The following PTPN21 variants were observed in gnomAD, a reference collection of about 807,000 sequenced individuals.
PTPN21 encodes the protein tyrosine-protein phosphatase non-receptor type 21.
PTPN21 carries 77 observed loss-of-function variants against 131.8 expected under a neutral mutation model. The observed-to-expected ratio is 0.58, with a 90% CI of 0.49 to 0.71. The LOEUF (loss-of-function observed/expected upper bound fraction) is 0.71, where lower values mean the gene tolerates loss of function less well. Among genes scored for constraint, PTPN21 ranks in the 30% least tolerant of loss-of-function variants. The probability of loss-of-function intolerance (pLI) is 0.00; values close to 1 mark genes in which losing one functional copy is unlikely to be tolerated. For synonymous variants in PTPN21, 715 were observed against 621.3 expected (o/e 1.15, Z -2.24); for missense variants, 1,552 against 1,527.1 (o/e 1.02, Z -0.27).
chr14:88,514,770 C>G (rs2078240943), intron 3 of PTPN21, among the ~76,000 whole-genome samples: 1 of 152,032 alleles, frequency 6.6e-6, no homozygotes, highest in African/African-American at 2.4e-5. Flanking sequence ...GGCCCTCCCC[C>G]TTTGTTTTCT....
At position 88,479,914 on chromosome 14, in the gene PTPN21, G is replaced by T; in HGVS notation, c.1517C>A (p.Ala506Glu). ...IREHAQLPSP[A>E]AAHCPFSLSY... ...CAGGCTGAACGGGCAGTGTGCGGCC[G>T]CTGGCGAGGGGAGCTGTGCGTGCTC... The change falls in exon 13 of 19, where the codon GCG (alanine) becomes GAG (glutamate). Residue 506 changes from alanine (A) to glutamate (E), a missense_variant. By Grantham distance (107) the Ala-to-Glu change is moderately radical (BLOSUM62 -1). This residue lies in a region of PTPN21 where 1,016 missense variants were observed against 883.5 expected (regional missense o/e 1.15). Transcript: ENST00000556564. 1.2e-6 allele frequency: 2 copies of T among 1,601,002 alleles called. No homozygotes were observed. The highest frequency in any genetic ancestry group is 1.7e-6 in the Non-Finnish European group (2 of 1,177,648).
At chr14:88,508,731 C>T (rs776047077) in intron 3 of PTPN21, among the ~76,000 whole-genome samples, 2 of 152,134 alleles carry the variant, frequency 1.3e-5, no homozygotes, top group Non-Finnish European at 2.9e-5. Context: ...AGTTCCCTAG[C>T]ACTGGAAAGT....
At chr14:88,485,205 T>C in intron 11 of PTPN21, 45 bp from the exon 12 acceptor site, 3 of 1,224,652 alleles carry the variant, frequency 2.4e-6, no homozygotes, top group Middle Eastern at 2.0e-4. Flanking sequence ...ACATTGCTTA[T>C]GTAATACAGG....
chr14:88,490,234 C>A (rs796956516), intron 10 of PTPN21, among the ~76,000 whole-genome samples: 62 of 152,246 alleles, frequency 4.1e-4, no homozygotes, highest in African/African-American at 1.4e-3. Flanking sequence ...GTCTTGAACT[C>A]CTGGCCTCAG....
chr14:88,505,444 T>C (rs2078072967), intron 4 of PTPN21, 73 bp from the exon 5 acceptor site: 1 of 1,007,886 alleles, frequency 9.9e-7, no homozygotes, highest in Non-Finnish European at 1.5e-6. Flanking sequence ...CAAAATTCAA[T>C]ACGCAGTATA....
intron 6 of PTPN21, among the ~76,000 whole-genome samples, chr14:88,501,822 A>AC (rs1298234202): frequency 1.3e-5 from 2 of 152,142 alleles, no homozygotes; most frequent in East Asian, 3.9e-4. Context: ...CTACAAAAAA[A>AC]AAAATGTTTT....
At chr14:88,480,607 ACCACAC>A (rs1174437460) in intron 12 of PTPN21, among the ~76,000 whole-genome samples, 2 of 152,052 alleles carry the variant, frequency 1.3e-5, no homozygotes, top group Non-Finnish European at 2.9e-5. Flanking sequence ...TCTTAAACGA[ACCACAC>A]CCACAGCAGA....
At chr14:88,497,145 G>A (rs2077930735) in intron 9 of PTPN21, 58 bp downstream of exon 9, 2 of 1,336,708 alleles carry the variant, frequency 1.5e-6, no homozygotes, top group Non-Finnish European at 2.2e-6. Context: ...GCACGCAGAA[G>A]TAGAACTTGT....
intron 2 of PTPN21, among the ~76,000 whole-genome samples, chr14:88,535,031 G>C (rs114202216): frequency 1.1e-4 from 16 of 151,964 alleles, no homozygotes; most frequent in African/African-American, 3.9e-4. Context: ...CGCCATTCAC[G>C]GTAAGTACCC....
Position 88,517,816 on chromosome 14 carries a change from ATG to A in PTPN21, c.181-557_181-556del, listed in dbSNP as rs1175028179. 4.0e-3 allele frequency among the ~76,000 whole-genome samples: 584 copies of A among 146,646 alleles called. 8 individuals carry two copies. The highest frequency in any genetic ancestry group is 0.014 in the African/African-American group (567 of 40,244). ...TGTGTACATGTGTATTTATGTGTGTATGTGTATATATAGTGTATATACACTAT... is the reference window on the plus strand; with the variant it reads ...TGTGTACATGTGTATTTATGTGTGTATGTATATATAGTGTATATACACTAT... On this transcript the variant is annotated intron_variant, in intron 2 of 18. Coordinates refer to ENST00000556564, the MANE Select transcript of PTPN21 (RefSeq NM_007039.4).
In PTPN21 at chr14:88,479,427, G is replaced by A. The variant is rs2077602098; in HGVS notation, c.2004C>T (p.Ala668=). The change falls in exon 13 of 19, where the codon GCC becomes GCT. Residue 668 remains alanine (A), a synonymous_variant. Coordinates refer to ENST00000556564, the MANE Select transcript of PTPN21 (RefSeq NM_007039.4). Reference sequence around the variant, plus strand: ...CGCTGGGCTGGGAGCCCACCGAGACGGCTCGCGGCGCCACCTCTGCCGCCG... The same window carrying A: ...CGCTGGGCTGGGAGCCCACCGAGACAGCTCGCGGCGCCACCTCTGCCGCCG... ...SASAAEVAPR[A]VSVGSQPSVF... is the part of the protein sequence containing the mutation. The A allele has an allele frequency of 1.9e-6, 3 of 1,601,998 alleles. No individual in the cohort carries two copies. The highest frequency in any genetic ancestry group is 1.7e-6 in the Non-Finnish European group (2 of 1,178,444).
chr14:88,480,442 T>A, intron 12 of PTPN21, 90 bp from the exon 13 acceptor site: 1 of 1,014,988 alleles, frequency 9.9e-7, no homozygotes, highest in Non-Finnish European at 1.4e-6. Flanking sequence ...CTGATGACAT[T>A]TTTAACACAG....
At chr14:88,533,597 T>C (rs937917517) in intron 2 of PTPN21, among the ~76,000 whole-genome samples, 2 of 152,166 alleles carry the variant, frequency 1.3e-5, no homozygotes, top group Non-Finnish European at 2.9e-5. Context: ...AAAAGTTAAC[T>C]GTAGGCCAGG....
At chr14:88,484,476 A>G (rs1029716244) in intron 12 of PTPN21, among the ~76,000 whole-genome samples, 2 of 148,818 alleles carry the variant, frequency 1.3e-5, no homozygotes, top group Admixed American at 1.3e-4. Flanking sequence ...AGCCTCTGGC[A>G]GGGAAAGAAA....
chr14:88,476,134 T>C (rs1479354279), intron 13 of PTPN21, among the ~76,000 whole-genome samples: 1 of 152,208 alleles, frequency 6.6e-6, no homozygotes, highest in African/African-American at 2.4e-5. Flanking sequence ...CATTCCTACT[T>C]GTCTACAGTT....
rs767722756 is a variant in PTPN21, at chr14:88,485,124, G to A, written c.1030C>T (p.Gln344Ter). 5.0e-6 allele frequency: 8 copies of A among 1,608,296 alleles called. No individual in the cohort carries two copies. The South Asian group carries it at 8.8e-5, about 18-fold the overall frequency. Residue 344 changes from glutamine (Q) to a stop codon, truncating the protein, a stop_gained, in exon 12 of 19, where the codon CAG (glutamine) becomes TAG (stop). Transcript: ENST00000556564. LOFTEE classifies it high-confidence loss of function. ...GTATAATGTCCATTATAGTGCAACTGCGGTGGGGGAGGCATCACGTAGGGC... is the reference window on the plus strand; with the variant it reads ...GTATAATGTCCATTATAGTGCAACTACGGTGGGGGAGGCATCACGTAGGGC... ...PQPYVMPPPP[Q>*]LHYNGHYTEP... is the part of the protein sequence containing the mutation.
intron 3 of PTPN21, among the ~76,000 whole-genome samples, chr14:88,510,200 A>G (rs1398925961): frequency 6.6e-6 from 1 of 152,100 alleles, no homozygotes; most frequent in Non-Finnish European, 1.5e-5. Context: ...AAAAAATCAC[A>G]CCTCAAAGTT....
intron 2 of PTPN21, among the ~76,000 whole-genome samples, chr14:88,518,363 CGTGT>C (rs763310026): frequency 2.1e-5 from 1 of 46,830 alleles, no homozygotes; most frequent in African/African-American, 6.1e-5. Flanking sequence ...TATACATACA[CGTGT>C]GTGTGTATGT....
chr14:88,529,736 C>T (rs1021810084), intron 2 of PTPN21, among the ~76,000 whole-genome samples: 1 of 152,086 alleles, frequency 6.6e-6, no homozygotes, highest in Non-Finnish European at 1.5e-5. Flanking sequence ...AATCCCAGCA[C>T]TTTAGGAGGC....
Sources: allele counts gnomAD v4.1 joint callset (sites outside exome capture counted in the v4.1 genomes callset), GRCh38; gene constraint gnomAD v4.1.1; regional missense constraint gnomAD v4.1.1; transcripts MANE v1.5; gene names NCBI Gene and HGNC (gene_info 2026-07-23, HGNC 2026-07-21).